CNTN4: variants seen among roughly 807,000 people sequenced by gnomAD.
CNTN4 encodes contactin-4.
A neutral mutation model predicts 122.5 loss-of-function variants in CNTN4; 77 were observed. That is an observed-to-expected ratio of 0.63 (90% CI 0.52 to 0.76). The LOEUF is 0.76. Ranked by LOEUF, CNTN4 falls within the 30% of genes least tolerant of loss-of-function variation. The pLI is 0.00. For missense variants in CNTN4, 1,256 were observed against 1,259.1 expected (o/e 1.00, Z 0.04); for synonymous variants, 512 against 447.0 (o/e 1.15, Z -1.83).
At chr3:2,872,266 A>G (rs1032340115) in intron 8 of CNTN4, among the ~76,000 whole-genome samples, 1 of 152,198 alleles carries the variant, frequency 6.6e-6, no homozygotes, top group Admixed American at 6.5e-5. Flanking sequence ...GCTCTCTCTA[A>G]AATGGCTTAA....
intron 2 of CNTN4, among the ~76,000 whole-genome samples, chr3:2,112,786 A>G (rs555914035): frequency 6.6e-6 from 1 of 152,234 alleles, no homozygotes; most frequent in African/African-American, 2.4e-5. Context: ...TCTTCTGGTA[A>G]GTTACTAAGC....
chr3:2,791,656 A>T (rs532908147), intron 6 of CNTN4, among the ~76,000 whole-genome samples: 2 of 152,226 alleles, frequency 1.3e-5, no homozygotes, highest in South Asian at 4.1e-4. Context: ...TACTGTAATA[A>T]ATTGACCTAC....
chr3:2,864,056 TC>T (rs1343390008), intron 7 of CNTN4, among the ~76,000 whole-genome samples: 1 of 152,194 alleles, frequency 6.6e-6, no homozygotes, highest in East Asian at 1.9e-4. Context: ...AATTGAATTT[TC>T]AAAAAAGTTT....
chr3:3,019,791 T>TATATAC (rs1246912425), intron 14 of CNTN4, among the ~76,000 whole-genome samples: 3 of 84,528 alleles, frequency 3.5e-5, no homozygotes, highest in Non-Finnish European at 7.5e-5. Context: ...TATATATATA[T>TATATAC]ATATATACAC....
chr3:2,528,841 A>G (rs1190423750), intron 3 of CNTN4, among the ~76,000 whole-genome samples: 1 of 152,062 alleles, frequency 6.6e-6, no homozygotes, highest in East Asian at 1.9e-4. Flanking sequence ...AGACATAATT[A>G]TATATATTTA....
intron 2 of CNTN4, among the ~76,000 whole-genome samples, chr3:2,230,771 G>A (rs186815523): frequency 6.6e-6 from 1 of 152,164 alleles, no homozygotes; most frequent in African/African-American, 2.4e-5. Flanking sequence ...GATTGCTTGA[G>A]CCCAGGAGTT....
intron 2 of CNTN4, among the ~76,000 whole-genome samples, chr3:2,101,010 G>A (rs908101558): frequency 7.9e-5 from 12 of 152,166 alleles, no homozygotes; most frequent in African/African-American, 2.4e-4. Flanking sequence ...CCTATTTGCA[G>A]TTTTTTAAAC....
intron 4 of CNTN4, among the ~76,000 whole-genome samples, chr3:2,619,404 A>C (rs75632029): frequency 0.01 from 1,534 of 152,304 alleles, 21 homozygotes; most frequent in African/African-American, 0.035. Flanking sequence ...GATTGTAAAT[A>C]TTTTCAAATG....
intron 2 of CNTN4, among the ~76,000 whole-genome samples, chr3:2,311,473 A>G (rs530470160): frequency 6.6e-6 from 1 of 152,292 alleles, no homozygotes; most frequent in South Asian, 2.1e-4. Context: ...TTTTCTTTCT[A>G]CTGAAGCTTT....
At chr3:2,430,616 CAAAAAAAA>C (rs10662868) in intron 3 of CNTN4, among the ~76,000 whole-genome samples, 1 of 103,356 alleles carries the variant, frequency 9.7e-6, no homozygotes, top group Non-Finnish European at 1.9e-5. Flanking sequence ...AGCAAATTAC[CAAAAAAAA>C]AAAAAAAAAA....
At chr3:2,336,002 G>A (rs2043939374) in intron 2 of CNTN4, among the ~76,000 whole-genome samples, 1 of 152,140 alleles carries the variant, frequency 6.6e-6, no homozygotes, top group Admixed American at 6.5e-5. Context: ...AGACAACACA[G>A]GTACATACTT....
rs1433795834 is a variant in CNTN4, at chr3:3,032,003, G to T, written c.1783+1028G>T. ...GCTGTATCCTCTAGGCATAATGTAAGGGGGGAAATGTGTGGGAGTTACCAA... is the reference window on the plus strand; with the variant it reads ...GCTGTATCCTCTAGGCATAATGTAATGGGGGAAATGTGTGGGAGTTACCAA... On this transcript the variant is annotated intron_variant, in intron 16 of 24. Coordinates refer to ENST00000418658, the MANE Select transcript of CNTN4 (RefSeq NM_175607.3). Among the ~76,000 whole-genome samples, 3 of 152,148 alleles carry T rather than the reference G, an allele frequency of 2.0e-5. No homozygotes were observed. In the East Asian group the frequency reaches 5.8e-4, roughly 29 times the overall value.
chr3:2,255,009 A>G (rs111503538), intron 2 of CNTN4, among the ~76,000 whole-genome samples: 12,807 of 152,146 alleles, frequency 0.084, 888 homozygotes, highest in African/African-American at 0.19. Context: ...TGTGGTTTTT[A>G]TAGTTTTAGG....
At chr3:2,696,492 C>A (rs2149228205) in intron 4 of CNTN4, among the ~76,000 whole-genome samples, 1 of 152,284 alleles carries the variant, frequency 6.6e-6, no homozygotes, top group South Asian at 2.1e-4. Flanking sequence ...AGCATTCCTC[C>A]CCTTCAGACG....
In CNTN4 at chr3:2,709,065, C is replaced by G. The variant is rs577423615; in HGVS notation, c.56-27150C>G. ...CTCAGATATCTCATAGACCATCCCC[C>G]CTCTGCTGCCACTGAATTTCATTTA... On this transcript the variant is annotated intron_variant, in intron 4 of 24. Coordinates refer to ENST00000418658, the MANE Select transcript of CNTN4 (RefSeq NM_175607.3). This position sits in a 1 kb window ranked among gnomAD's most constrained non-coding sequence, Gnocchi z 5.0. Among the ~76,000 whole-genome samples, 1 of 152,180 alleles carries G rather than the reference C, an allele frequency of 6.6e-6. No homozygotes were observed. The highest frequency in any genetic ancestry group is 1.5e-5 in the Non-Finnish European group (1 of 68,002).
chr3:2,616,658 A>C (rs1241807118), intron 4 of CNTN4, among the ~76,000 whole-genome samples: 1 of 152,136 alleles, frequency 6.6e-6, no homozygotes, highest in Non-Finnish European at 1.5e-5. Context: ...TTGACTTTTT[A>C]ATAATCGCCA....
intron 4 of CNTN4, among the ~76,000 whole-genome samples, chr3:2,732,644 C>G (rs1225600809): frequency 1.3e-5 from 2 of 152,206 alleles, no homozygotes; most frequent in African/African-American, 2.4e-5. Flanking sequence ...GCCTCTCCCC[C>G]TGTTTCATCT....
At chr3:2,402,290 T>C (rs907460952) in intron 3 of CNTN4, among the ~76,000 whole-genome samples, 4 of 152,102 alleles carry the variant, frequency 2.6e-5, no homozygotes, top group African/African-American at 9.7e-5. Flanking sequence ...GGGATAAATA[T>C]TGGGACTTAG....
chr3:2,226,678 AT>A (rs1166556867), intron 2 of CNTN4, among the ~76,000 whole-genome samples: 6 of 152,166 alleles, frequency 3.9e-5, no homozygotes, highest in African/African-American at 1.4e-4. Flanking sequence ...TAAGTTCTTC[AT>A]TAAGAACTTT....
Sources: gnomAD v4.1 joint callset for allele counts (sites outside exome capture counted in the v4.1 genomes callset) on GRCh38, gnomAD v4.1.1 for gene constraint, Gnocchi (gnomAD v3.1) non-coding constraint, MANE v1.5 for transcripts, NCBI Gene and HGNC (gene_info 2026-07-23, HGNC 2026-07-21) for gene names.